The following ARHGAP1 variants were observed in gnomAD, a reference collection of about 807,000 sequenced individuals.
ARHGAP1 encodes rho GTPase-activating protein 1.
In ARHGAP1, 23 loss-of-function variants were observed where a neutral mutation model predicts 52.2. The observed-to-expected ratio is 0.44, with a 90% CI of 0.32 to 0.62. The LOEUF (loss-of-function observed/expected upper bound fraction) is 0.62. Ranked by LOEUF, ARHGAP1 falls within the 20% of genes least tolerant of loss-of-function variation. The pLI is 0.05. For missense variants in ARHGAP1, 480 were observed against 560.9 expected, an observed-to-expected ratio of 0.86 and a Z score of 1.46; for synonymous variants, 210 against 228.4, an observed-to-expected ratio of 0.92 and a Z score of 0.73.
chr11:46,685,748 G>A (rs1477734779), intron 4 of ARHGAP1, among the ~76,000 whole-genome samples: 3 of 147,886 alleles, frequency 2.0e-5, no homozygotes, highest in Admixed American at 1.4e-4. Context: ...GCGCAATCTC[G>A]GCTGACTGCA....
In ARHGAP1 at chr11:46,680,889, A is replaced by G; in HGVS notation, c.635+122T>C. The G allele has an allele frequency of 8.9e-7, 1 of 1,121,470 alleles. No homozygotes were observed. Among genetic ancestry groups the G allele is most frequent in the South Asian group, 1.4e-5 (1 of 69,974 alleles). The allele number at this position is 1,121,470 out of a possible 1,614,324, so 69.5% of individuals were successfully genotyped here. A position where few individuals can be genotyped will look rare whatever the true frequency, so the allele number is the denominator to read the frequency against. ...AACTCCGCTTTCCACAGCAGAAAGCAAAGACCTGGGAGAGGTCGGGACACG... is the reference window on the plus strand; with the variant it reads ...AACTCCGCTTTCCACAGCAGAAAGCGAAGACCTGGGAGAGGTCGGGACACG... On this transcript the variant is annotated intron_variant, in intron 7 of 12. Coordinates refer to ENST00000311956, the MANE Select transcript of ARHGAP1 (RefSeq NM_004308.5). This position sits in a 1 kb window ranked among gnomAD's most constrained non-coding sequence, Gnocchi z 5.9.
chr11:46,679,877 C>T lies in ARHGAP1; in HGVS notation c.899-101G>A. ...ACTGCCTGACTGCCCCTGGACACTG[C>T]ATAAGCCCCTCCTCCCAGGGGCGCC... On this transcript the variant is annotated intron_variant, in intron 10 of 12. Coordinates refer to ENST00000311956, the MANE Select transcript of ARHGAP1 (RefSeq NM_004308.5). The surrounding 1 kb of genome is among the most constrained non-coding windows in gnomAD (Gnocchi z 4.4). 1.9e-6 allele frequency: 3 copies of T among 1,542,402 alleles called. No individual in the cohort carries two copies. The highest frequency in any genetic ancestry group is 2.6e-6 in the Non-Finnish European group (3 of 1,145,866).
At chr11:46,687,599 G>A (rs1319198495) in intron 4 of ARHGAP1, 2 of 152,428 alleles carry the variant, frequency 1.3e-5, no homozygotes, top group African/African-American at 4.8e-5. Flanking sequence ...TTGCTCGCCT[G>A]TGGGCCCAGA....
At chr11:46,699,433 G>A (rs770016929) in intron 1 of ARHGAP1, among the ~76,000 whole-genome samples, 10 of 152,138 alleles carry the variant, frequency 6.6e-5, no homozygotes, top group Non-Finnish European at 1.2e-4. Context: ...AGCCGGGCAC[G>A]GTGGTTCACG....
chr11:46,688,386 G>T, intron 3 of ARHGAP1, 126 bp from the exon 4 acceptor site: 1 of 938,518 alleles, frequency 1.1e-6, no homozygotes. Flanking sequence ...TGCCCATGCA[G>T]ACAGACCTCC....
intron 3 of ARHGAP1, 60 bp downstream of exon 3, chr11:46,695,600 G>T: frequency 6.7e-7 from 1 of 1,497,786 alleles, no homozygotes; most frequent in South Asian, 1.2e-5. Flanking sequence ...TGGTGTGAAG[G>T]GCTGACTTCC....
At chr11:46,688,612 G>A (rs962853660) in intron 3 of ARHGAP1, among the ~76,000 whole-genome samples, 91 of 152,128 alleles carry the variant, frequency 6.0e-4, no homozygotes, top group African/African-American at 2.0e-3. Flanking sequence ...CTCCCAAGTA[G>A]CCAGGACTAT....
chr11:46,679,781 G>GGTGGGGGCA lies in ARHGAP1; in HGVS notation c.899-14_899-6dup. On this transcript the variant is annotated splice_region_variant and splice_polypyrimidine_tract_variant and intron_variant, in intron 10 of 12. Coordinates refer to ENST00000311956, the MANE Select transcript of ARHGAP1 (RefSeq NM_004308.5). This position sits in a 1 kb window ranked among gnomAD's most constrained non-coding sequence, Gnocchi z 4.4. The stretch of plus-strand genomic sequence containing the variant: ...GGTCGAAATCCACAGGCAGCCCTGG[G>GGTGGGGGCA]GTGGGGGCAGCGTGAGAGAAGCTCG... The GGTGGGGGCA allele has an allele frequency of 2.5e-6, 4 of 1,613,150 alleles. No individual in the cohort carries two copies. Among genetic ancestry groups the GGTGGGGGCA allele is most frequent in the Non-Finnish European group, 3.4e-6 (4 of 1,179,850 alleles).
In ARHGAP1 at chr11:46,677,607, C is replaced by T. The variant is rs557759467; in HGVS notation, c.*1430G>A. The T allele has an allele frequency of 8.1e-4, 173 of 213,596 alleles. No homozygotes were observed. Among genetic ancestry groups the T allele is most frequent in the African/African-American group, 4.0e-3 (168 of 41,954 alleles). The allele number at this position is 213,596 out of a possible 1,614,324, so 13.2% of individuals were successfully genotyped here. ...ATCCCCAGGAAGGAGTGTAATTCTA[C>T]GAGACAGTGGGAGTGAGATCAGCCA... is the stretch of plus-strand genomic sequence containing the variant. On this transcript the variant is annotated 3_prime_UTR_variant, in exon 13 of 13. Transcript: ENST00000311956.
At chr11:46,693,943 C>G (rs1025949008) in intron 3 of ARHGAP1, among the ~76,000 whole-genome samples, 2 of 152,306 alleles carry the variant, frequency 1.3e-5, no homozygotes, top group African/African-American at 4.8e-5. Context: ...GGAAAGAACC[C>G]ACTGGGACTG....
chr11:46,680,599 C>G lies in ARHGAP1; in HGVS notation c.744-36G>C. On this transcript the variant is annotated intron_variant, in intron 8 of 12. Transcript: ENST00000311956. This position sits in a 1 kb window ranked among gnomAD's most constrained non-coding sequence, Gnocchi z 5.9. The stretch of plus-strand genomic sequence containing the variant: ...AAGGCTGGTGAGCCGGGCCTGCAGC[C>G]CTTCCCGCCCCGCCGTGGCCCAGCC... 1.2e-6 allele frequency: 2 copies of G among 1,612,272 alleles called. No homozygotes were observed. The highest frequency in any genetic ancestry group is 1.7e-6 in the Non-Finnish European group (2 of 1,178,572).
intron 3 of ARHGAP1, among the ~76,000 whole-genome samples, chr11:46,693,550 C>T (rs1215977744): frequency 6.6e-6 from 1 of 152,064 alleles, no homozygotes; most frequent in African/African-American, 2.4e-5. Flanking sequence ...GGACTACAGG[C>T]ACAGGCTACC....
chr11:46,687,229 C>G (rs1189099937), intron 4 of ARHGAP1: 1 of 152,288 alleles, frequency 6.6e-6, no homozygotes, highest in Non-Finnish European at 1.5e-5. Flanking sequence ...CCTGCCTTGT[C>G]TGAAGAGCAG....
intron 3 of ARHGAP1, among the ~76,000 whole-genome samples, chr11:46,693,517 C>T (rs1487024116): frequency 6.6e-6 from 1 of 151,910 alleles, no homozygotes; most frequent in African/African-American, 2.4e-5. Context: ...AGGATCCTCC[C>T]ACCTCAGCCT....
intron 3 of ARHGAP1, chr11:46,695,240 G>C: frequency 2.9e-6 from 1 of 350,868 alleles, no homozygotes; most frequent in Non-Finnish European, 5.6e-6. Context: ...AAGAGGCTCT[G>C]CCCATTCCAG....
chr11:46,696,174 A>T lies in ARHGAP1; in HGVS notation c.-49-18T>A, dbSNP rs1331529634. 3.9e-6 allele frequency: 6 copies of T among 1,520,280 alleles called. No homozygotes were observed. The highest frequency in any genetic ancestry group is 2.0e-5 in the Admixed American group (1 of 49,606). The allele number at this position is 1,520,280 out of a possible 1,614,324, so 94.2% of individuals were successfully genotyped here. Reference sequence around the variant, plus strand: ...AGAGAAACCTGGGAGAGAGGAAGACAGGTGGCAGGTCAGTGACCTGCTCTT... The same window carrying T: ...AGAGAAACCTGGGAGAGAGGAAGACTGGTGGCAGGTCAGTGACCTGCTCTT... On this transcript the variant is annotated intron_variant, in intron 1 of 12. Coordinates refer to ENST00000311956, the MANE Select transcript of ARHGAP1 (RefSeq NM_004308.5). This position sits in a 1 kb window ranked among gnomAD's most constrained non-coding sequence, Gnocchi z 4.8.
At chr11:46,690,543 T>C (rs952683699) in intron 3 of ARHGAP1, among the ~76,000 whole-genome samples, 1 of 152,126 alleles carries the variant, frequency 6.6e-6, no homozygotes, top group African/African-American at 2.4e-5. Context: ...ATTACTAGAA[T>C]TATGGACGAC....
intron 3 of ARHGAP1, among the ~76,000 whole-genome samples, chr11:46,690,661 C>A (rs2064606320): frequency 6.6e-6 from 1 of 152,174 alleles, no homozygotes; most frequent in Admixed American, 6.6e-5. Flanking sequence ...ATAATCGCCG[C>A]CTGGAATCCT....
intron 1 of ARHGAP1, among the ~76,000 whole-genome samples, chr11:46,700,152 C>T (rs2064690845): frequency 6.6e-6 from 1 of 152,098 alleles, no homozygotes; most frequent in Admixed American, 6.6e-5. Context: ...AGTGAAACTC[C>T]GTCTTAAAAA....
Sources: gnomAD v4.1 joint callset for allele counts (sites outside exome capture counted in the v4.1 genomes callset) on GRCh38, gnomAD v4.1.1 for gene constraint, Gnocchi (gnomAD v3.1) non-coding constraint, MANE v1.5 for transcripts, NCBI Gene and HGNC (gene_info 2026-07-23, HGNC 2026-07-21) for gene names.